The following GPHN variants were observed in gnomAD, a reference collection of about 807,000 sequenced individuals.
GPHN encodes the protein gephyrin.
Under a neutral mutation model 95.5 loss-of-function variants are expected in GPHN, and 17 were observed. The ratio of observed to expected loss-of-function variants is 0.18; its 90% CI spans 0.12 to 0.27. The LOEUF (loss-of-function observed/expected upper bound fraction) is 0.27. Ranked by LOEUF, GPHN falls within the 10% of genes least tolerant of loss-of-function variation. GPHN has a pLI of 1.00. For synonymous variants in GPHN, 320 were observed against 322.5 expected (o/e 0.99, Z 0.08); for missense variants, 660 against 978.1 (o/e 0.67, Z 4.34).
chr14:67,249,397 T>C, the GPHN span, among the ~76,000 whole-genome samples: 1 of 152,246 alleles, frequency 6.6e-6, no homozygotes, highest in Admixed American at 6.5e-5. Context: ...CTATGACATG[T>C]AGCCACCTTG....
At chr14:67,112,930 T>C in intron 15 of GPHN, 88 bp from the exon 16 acceptor site, 1 of 1,163,968 alleles carries the variant, frequency 8.6e-7, no homozygotes, top group Non-Finnish European at 1.3e-6. Context: ...TCTTCTTGAA[T>C]GTCCTTTTTT....
chr14:67,381,032 G>T, the GPHN span, among the ~76,000 whole-genome samples: 2 of 152,050 alleles, frequency 1.3e-5, no homozygotes, highest in African/African-American at 4.8e-5. Flanking sequence ...TTTTGTTTTA[G>T]TGCATACTTT....
intron 9 of GPHN, among the ~76,000 whole-genome samples, chr14:67,015,789 C>T (rs2073273212): frequency 6.6e-6 from 1 of 152,102 alleles, no homozygotes; most frequent in Admixed American, 6.5e-5. Context: ...GTTATGGATA[C>T]ATACACACGT....
chr14:67,431,119 G>T, the GPHN span, among the ~76,000 whole-genome samples: 3 of 152,136 alleles, frequency 2.0e-5, no homozygotes, highest in Admixed American at 6.5e-5. Context: ...CATAGGCTGG[G>T]CGTGGTGGCT....
the GPHN span, among the ~76,000 whole-genome samples, chr14:67,517,577 G>T: frequency 6.6e-6 from 1 of 152,160 alleles, no homozygotes; most frequent in South Asian, 2.1e-4. Flanking sequence ...TCAGAAAGAA[G>T]GGTTAAGATC....
At chr14:67,642,486 T>C in the GPHN span, 3 of 1,172,958 alleles carry the variant, frequency 2.6e-6, no homozygotes, top group South Asian at 1.6e-5. Context: ...AGGGTAGATA[T>C]TAAAATGAAC....
Position 66,508,480 on chromosome 14 carries a change from C to T in GPHN, c.-48C>T. 1 of 1,584,574 alleles carries T rather than the reference C, an allele frequency of 6.3e-7. No homozygotes were observed. Among genetic ancestry groups the T allele is most frequent in the South Asian group, 1.1e-5 (1 of 90,496 alleles). ...GCGCTCCCGGCCCGCGCGCTCCGGG[C>T]TCCGGTTTCTCCCGGCTCCTGTCAG... On this transcript the variant is annotated 5_prime_UTR_variant, in exon 1 of 23. Coordinates refer to ENST00000478722, the MANE Select transcript of GPHN (RefSeq NM_020806.5).
At chr14:67,518,922 G>A in the GPHN span, among the ~76,000 whole-genome samples, 1 of 152,188 alleles carries the variant, frequency 6.6e-6, no homozygotes, top group African/African-American at 2.4e-5. Context: ...ATCACATGAA[G>A]TCTGTTGCAG....
chr14:67,387,397 AGT>A, the GPHN span: 1 of 1,610,952 alleles, frequency 6.2e-7, no homozygotes, highest in Non-Finnish European at 8.5e-7. Context: ...TGAATGTAAT[AGT>A]GTGTGTCATC....
chr14:67,559,925 C>T, the GPHN span, among the ~76,000 whole-genome samples: 127 of 152,296 alleles, frequency 8.3e-4, no homozygotes, highest in African/African-American at 2.7e-3. Context: ...TTTAAGTTTG[C>T]GAGAAGGAAT....
intron 4 of GPHN, among the ~76,000 whole-genome samples, chr14:66,874,392 G>A (rs1026109855): frequency 6.6e-6 from 1 of 152,116 alleles, no homozygotes; most frequent in Non-Finnish European, 1.5e-5. Context: ...TATCAAAACT[G>A]GAGGGAGAAT....
chr14:67,136,985 A>G (rs2080113358), intron 17 of GPHN, among the ~76,000 whole-genome samples: 1 of 152,038 alleles, frequency 6.6e-6, no homozygotes, highest in Admixed American at 6.5e-5. Context: ...CAACATGGCA[A>G]AACTCTACTA....
At chr14:66,679,745 C>G (rs1217536269) in intron 1 of GPHN, among the ~76,000 whole-genome samples, 1 of 152,138 alleles carries the variant, frequency 6.6e-6, no homozygotes, top group Non-Finnish European at 1.5e-5. Flanking sequence ...TGCTTAATTG[C>G]AGATAGTGTG....
chr14:67,037,051 A>T (rs1176217046), intron 10 of GPHN, among the ~76,000 whole-genome samples: 1 of 152,060 alleles, frequency 6.6e-6, no homozygotes, highest in Non-Finnish European at 1.5e-5. Context: ...AAGTTACAGT[A>T]ATCAAAAAAG....
chr14:67,158,859 T>C (rs963306231), intron 18 of GPHN, among the ~76,000 whole-genome samples: 2 of 152,198 alleles, frequency 1.3e-5, no homozygotes, highest in Admixed American at 1.3e-4. Flanking sequence ...TTCATTTTAG[T>C]TGAGCTATTT....
the GPHN span, chr14:67,321,153 T>TGA: frequency 1.2e-6 from 2 of 1,614,102 alleles, no homozygotes; most frequent in Non-Finnish European, 1.7e-6. Context: ...GCTGGAAAGT[T>TGA]CATTGAGCAT....
intron 11 of GPHN, among the ~76,000 whole-genome samples, chr14:67,061,453 T>C (rs1353618664): frequency 6.6e-6 from 1 of 152,068 alleles, no homozygotes; most frequent in Non-Finnish European, 1.5e-5. Context: ...TCAAATTTGC[T>C]AATTCGTTAT....
At chr14:67,557,010 G>A in the GPHN span, among the ~76,000 whole-genome samples, 5 of 152,142 alleles carry the variant, frequency 3.3e-5, no homozygotes, top group South Asian at 2.1e-4. Context: ...TCCACTTATC[G>A]TCTCCTCTGC....
intron 9 of GPHN, among the ~76,000 whole-genome samples, chr14:66,967,612 G>A (rs2069431999): frequency 6.6e-6 from 1 of 151,950 alleles, no homozygotes; most frequent in Non-Finnish European, 1.5e-5. Context: ...AAATACTCCA[G>A]TGAACATTTC....
Sources: gnomAD v4.1 joint callset for allele counts (sites outside exome capture counted in the v4.1 genomes callset) on GRCh38, gnomAD v4.1.1 for gene constraint, MANE v1.5 for transcripts, NCBI Gene and HGNC (gene_info 2026-07-23, HGNC 2026-07-21) for gene names.